Variants in PCSK6 observed in about 807,000 individuals in gnomAD.
PCSK6 encodes proprotein convertase subtilisin/kexin type 6, also known as paired basic amino acid cleaving enzyme 4.
PCSK6 carries 85 observed loss-of-function variants against 123.3 expected under a neutral mutation model. The ratio of observed to expected loss-of-function variants is 0.69; its 90% CI spans 0.58 to 0.83. The LOEUF is 0.83. PCSK6 is among the 40% of genes least tolerant of loss of function. The probability of loss-of-function intolerance (pLI) is 0.00; values close to 1 mark genes in which losing one functional copy is unlikely to be tolerated. For missense variants in PCSK6, 1,191 were observed against 1,282.3 expected, an observed-to-expected ratio of 0.93 and a Z score of 1.09; for synonymous variants, 508 against 516.0, an observed-to-expected ratio of 0.98 and a Z score of 0.21.
intron 4 of PCSK6, among the ~76,000 whole-genome samples, chr15:101,430,454 G>A (rs764178312): frequency 6.6e-6 from 1 of 152,136 alleles, no homozygotes; most frequent in Non-Finnish European, 1.5e-5. Flanking sequence ...GTGGAATCAG[G>A]CAGTATTTGT....
intron 13 of PCSK6, among the ~76,000 whole-genome samples, chr15:101,350,553 C>T (rs1411876531): frequency 6.6e-6 from 1 of 152,144 alleles, no homozygotes; most frequent in Non-Finnish European, 1.5e-5. Context: ...AAGATTTAGT[C>T]AGAAAAATAG....
At chr15:101,419,537 CT>C (rs3031795) in intron 6 of PCSK6, among the ~76,000 whole-genome samples, 116 of 143,428 alleles carry the variant, frequency 8.1e-4, no homozygotes, top group Non-Finnish European at 8.2e-4. Flanking sequence ...CCCAACAGGG[CT>C]TTTTTTTTTT....
intron 7 of PCSK6, among the ~76,000 whole-genome samples, chr15:101,396,068 AAATT>A (rs1470696942): frequency 7.9e-5 from 12 of 152,182 alleles, no homozygotes; most frequent in African/African-American, 1.9e-4. Flanking sequence ...TGAGATCATC[AAATT>A]TCTAGGAGGA....
At chr15:101,368,313 G>T (rs916129226) in intron 12 of PCSK6, among the ~76,000 whole-genome samples, 4 of 152,210 alleles carry the variant, frequency 2.6e-5, no homozygotes, top group Non-Finnish European at 5.9e-5. Context: ...GCAGCGGAAG[G>T]TTCTTGTGGG....
At chr15:101,455,139 T>C (rs1302546364) in intron 1 of PCSK6, among the ~76,000 whole-genome samples, 1 of 147,708 alleles carries the variant, frequency 6.8e-6, no homozygotes. Context: ...CTATTATGTG[T>C]ATTTGACCAC....
At chr15:101,366,666 G>T (rs1007149678) in intron 12 of PCSK6, among the ~76,000 whole-genome samples, 2 of 152,128 alleles carry the variant, frequency 1.3e-5, no homozygotes, top group Admixed American at 1.3e-4. Flanking sequence ...ACAATTTCCT[G>T]CAGAAGGTGG....
chr15:101,394,958 C>T (rs556041989), intron 7 of PCSK6, among the ~76,000 whole-genome samples: 1 of 152,358 alleles, frequency 6.6e-6, no homozygotes, highest in South Asian at 2.1e-4. Context: ...AAAAGCTAAC[C>T]TTCTGAGAGA....
intron 1 of PCSK6, among the ~76,000 whole-genome samples, chr15:101,474,052 A>G (rs1165186021): frequency 6.6e-6 from 1 of 152,236 alleles, no homozygotes; most frequent in East Asian, 1.9e-4. Context: ...AGAACCGTGT[A>G]TAAGACTGTT....
intron 1 of PCSK6, among the ~76,000 whole-genome samples, chr15:101,447,913 C>G (rs866727211): frequency 6.6e-6 from 1 of 152,232 alleles, no homozygotes; most frequent in East Asian, 1.9e-4. Flanking sequence ...CCCTGGCAGC[C>G]TCCTCCTCCT....
At chr15:101,374,637 G>A (rs2041681378) in intron 11 of PCSK6, among the ~76,000 whole-genome samples, 1 of 152,196 alleles carries the variant, frequency 6.6e-6, no homozygotes, top group Non-Finnish European at 1.5e-5. Flanking sequence ...GGGGAGGAGA[G>A]GCTAAAGAAC....
intron 16 of PCSK6, among the ~76,000 whole-genome samples, chr15:101,325,400 G>A (rs1309657996): frequency 6.6e-6 from 1 of 152,232 alleles, no homozygotes; most frequent in Non-Finnish European, 1.5e-5. Context: ...GGCAGTGAGT[G>A]AGGCCAGCAG....
At chr15:101,375,580 GAC>G (rs1395722786) in intron 11 of PCSK6, among the ~76,000 whole-genome samples, 2 of 152,194 alleles carry the variant, frequency 1.3e-5, no homozygotes, top group Admixed American at 1.3e-4. Context: ...CCTGGTGGCT[GAC>G]ATTTATTTGT....
chr15:101,311,736 C>CA (rs1433107699), intron 20 of PCSK6, among the ~76,000 whole-genome samples: 3 of 8,264 alleles, frequency 3.6e-4, no homozygotes, highest in South Asian at 5.1e-3. Context: ...CCCATCGTCA[C>CA]CCCTCACAGC....
At position 101,398,372 on chromosome 15, in the gene PCSK6, G is replaced by C; in HGVS notation, c.996+32C>G. 2 of 1,579,438 alleles carry C rather than the reference G, an allele frequency of 1.3e-6. No homozygotes were observed. The highest frequency in any genetic ancestry group is 2.3e-5 in the East Asian group (1 of 44,240). On this transcript the variant is annotated intron_variant, in intron 7 of 21. Coordinates refer to ENST00000611716, the MANE Select transcript of PCSK6 (RefSeq NM_002570.5). This position sits in a 1 kb window ranked among gnomAD's most constrained non-coding sequence, Gnocchi z 4.6. ...AATGTTTACTGTCACCCTTGTCCCA[G>C]AGCGCTCCCCTGTAGCCCTGGTTAC...
At position 101,489,277 on chromosome 15, in the gene PCSK6, G is replaced by A. The variant is rs2058102596; in HGVS notation, c.297+97C>T. 9.9e-6 allele frequency: 8 copies of A among 809,072 alleles called. No homozygotes were observed. In the South Asian group the frequency reaches 4.0e-4, roughly 40 times the overall value. 50.1% of individuals were successfully genotyped at this position (809,072 alleles called of 1,614,324 possible). A position where few individuals can be genotyped will look rare whatever the true frequency, so the allele number is the denominator to read the frequency against. Reference sequence around the variant, plus strand: ...CCGGAGCCTTCCCACGCGCGCGCGGGGCCGGGGCCGGGCGGACAGGACTGC... The same window carrying A: ...CCGGAGCCTTCCCACGCGCGCGCGGAGCCGGGGCCGGGCGGACAGGACTGC... On this transcript the variant is annotated intron_variant, in intron 1 of 21. Transcript: ENST00000611716.
rs527290355 is a variant in PCSK6, at chr15:101,453,768, C to T, written c.298-10108G>A. Among the ~76,000 whole-genome samples the T allele has an allele frequency of 3.9e-5, 6 of 152,256 alleles. No individual in the cohort carries two copies. In the East Asian group the frequency reaches 9.6e-4, roughly 24 times the overall value. On this transcript the variant is annotated intron_variant, in intron 1 of 21. Transcript: ENST00000611716. ...GTTTACTTTTTTCTTTCTGAGTATG[C>T]GAGAAGTAGGGGGTGCCTTATCCTC...
At chr15:101,396,267 G>C (rs970950909) in intron 7 of PCSK6, among the ~76,000 whole-genome samples, 1 of 152,080 alleles carries the variant, frequency 6.6e-6, no homozygotes, top group African/African-American at 2.4e-5. Flanking sequence ...AACCAACACT[G>C]CTCAGAATTC....
chr15:101,325,241 G>T (rs1258640524), intron 16 of PCSK6, among the ~76,000 whole-genome samples, 195 bp from the exon 17 acceptor site: 2 of 152,204 alleles, frequency 1.3e-5, no homozygotes, highest in African/African-American at 4.8e-5. Flanking sequence ...TAGAACCTGG[G>T]AATCCTTTCT....
At chr15:101,379,439 T>C (rs1261988613) in intron 11 of PCSK6, among the ~76,000 whole-genome samples, 1 of 152,068 alleles carries the variant, frequency 6.6e-6, no homozygotes, top group Non-Finnish European at 1.5e-5. Context: ...CACACCAGGG[T>C]AGCATCCTCT....
Sources: allele counts gnomAD v4.1 joint callset (sites outside exome capture counted in the v4.1 genomes callset), GRCh38; gene constraint gnomAD v4.1.1; non-coding constraint Gnocchi (gnomAD v3.1); transcripts MANE v1.5; gene names NCBI Gene and HGNC (gene_info 2026-07-23, HGNC 2026-07-21).